The following MYO9A variants were observed in gnomAD, a reference collection of about 807,000 sequenced individuals.
MYO9A encodes unconventional myosin-IXa.
In MYO9A, 103 loss-of-function variants were observed where a neutral mutation model predicts 293.3. The observed-to-expected ratio is 0.35, with a 90% CI of 0.30 to 0.41. MYO9A has a LOEUF of 0.41. MYO9A is among the 10% of genes least tolerant of loss of function. MYO9A has a pLI of 1.00. For synonymous variants in MYO9A, 1,001 were observed against 1,035.7 expected (o/e 0.97, Z 0.64); for missense variants, 2,685 against 3,033.0 (o/e 0.89, Z 2.69).
chr15:71,854,502 G>A lies in MYO9A; in HGVS notation c.6221C>T (p.Thr2074Ile). Residue 2074 changes from threonine (T) to isoleucine (I), a missense_variant, in exon 35 of 42, where the codon ACT (threonine) becomes ATT (isoleucine). By Grantham distance (89) the Thr-to-Ile change is moderately conservative. This residue lies in a region of MYO9A where 238 missense variants were observed against 269.1 expected (regional missense o/e 0.88). Transcript: ENST00000356056. ...ELSRLTSEDRTVPLVVEKLIN... is the reference protein window; with the variant it reads ...ELSRLTSEDRIVPLVVEKLIN... ...GAGCTTTTCCACTACTAAAGGAACA[G>A]TTCGGTCTTCACTGGTCAAACGGGA... 1 of 1,613,632 alleles carries A rather than the reference G, an allele frequency of 6.2e-7. No homozygotes were observed. The highest frequency in any genetic ancestry group is 8.5e-7 in the Non-Finnish European group (1 of 1,179,742).
chr15:71,985,292 C>T (rs190753448), intron 11 of MYO9A, among the ~76,000 whole-genome samples: 8 of 152,280 alleles, frequency 5.3e-5, no homozygotes, highest in African/African-American at 1.7e-4. Flanking sequence ...GTCTCTCTCT[C>T]TCTCTGTTTT....
At chr15:71,997,279 G>A (rs1328429208) in intron 9 of MYO9A, among the ~76,000 whole-genome samples, 1 of 151,886 alleles carries the variant, frequency 6.6e-6, no homozygotes, top group Non-Finnish European at 1.5e-5. Flanking sequence ...ACATTTCTCG[G>A]CACAAAAATA....
chr15:71,835,023 A>G (rs2625531), intron 39 of MYO9A, among the ~76,000 whole-genome samples: 2,456 of 152,246 alleles, frequency 0.016, 73 homozygotes, highest in African/African-American at 0.054. Context: ...ACTCAGTGTA[A>G]TGTGTCATAT....
At chr15:71,930,269 G>A (rs2058438993) in intron 18 of MYO9A, among the ~76,000 whole-genome samples, 1 of 152,078 alleles carries the variant, frequency 6.6e-6, no homozygotes, top group African/African-American at 2.4e-5. Context: ...TTTTGGTGTG[G>A]ATGGTCTGTT....
intron 1 of MYO9A, among the ~76,000 whole-genome samples, chr15:72,057,123 T>A (rs1207257119): frequency 1.4e-5 from 2 of 145,982 alleles, no homozygotes; most frequent in East Asian, 4.0e-4. Context: ...AAAAAAAAAA[T>A]TAGCCAGGTG....
intron 19 of MYO9A, among the ~76,000 whole-genome samples, chr15:71,913,256 GC>G (rs2057913257): frequency 6.6e-6 from 1 of 151,866 alleles, no homozygotes; most frequent in Non-Finnish European, 1.5e-5. Flanking sequence ...ATCCAATTTA[GC>G]TTGTTTTTTA....
At chr15:71,940,041 G>A (rs1289854779) in intron 15 of MYO9A, among the ~76,000 whole-genome samples, 6 of 152,200 alleles carry the variant, frequency 3.9e-5, no homozygotes, top group Admixed American at 2.0e-4. Flanking sequence ...GACAAGCTGG[G>A]CAACTTAGAC....
intron 14 of MYO9A, among the ~76,000 whole-genome samples, chr15:71,956,320 A>ATAT (rs1567314762): frequency 5.7e-4 from 10 of 17,480 alleles, no homozygotes; most frequent in African/African-American, 1.1e-3. Flanking sequence ...TAAAAAAAAA[A>ATAT]AAAAAAAAAA....
intron 10 of MYO9A, 110 bp downstream of exon 10, chr15:71,994,359 A>T: frequency 1.7e-6 from 1 of 601,156 alleles, no homozygotes. Context: ...AATAAAAGCG[A>T]TTTCTTACTT....
intron 15 of MYO9A, among the ~76,000 whole-genome samples, chr15:71,940,228 C>T (rs556855960): frequency 8.3e-4 from 127 of 152,306 alleles, no homozygotes; most frequent in Non-Finnish European, 1.5e-3. Flanking sequence ...GGCACAGTGG[C>T]CCATGCTGGT....
At position 71,830,973 on chromosome 15, in the gene MYO9A, CTTTTTTTTTTT is replaced by C. The variant is rs67440366; in HGVS notation, c.6838-673_6838-663del. Among the ~76,000 whole-genome samples the C allele has an allele frequency of 7.8e-5, 8 of 103,080 alleles. No homozygotes were observed. In the East Asian group the frequency reaches 1.2e-3, roughly 15 times the overall value. The allele number at this position is 103,080 out of a possible 152,430, so 67.6% of individuals were successfully genotyped here. A position where few individuals can be genotyped will look rare whatever the true frequency, so the allele number is the denominator to read the frequency against. The stretch of plus-strand genomic sequence containing the variant: ...GTGAAAATCTCATTGCTGCTTCTTC[CTTTTTTTTTTT>C]TTTTTTTTTTTTTTAAACATTGGTT... On this transcript the variant is annotated intron_variant, in intron 39 of 41. Transcript: ENST00000356056.
intron 6 of MYO9A, among the ~76,000 whole-genome samples, chr15:72,016,228 T>C (rs775574710): frequency 2.0e-5 from 3 of 152,074 alleles, no homozygotes; most frequent in South Asian, 2.1e-4. Flanking sequence ...TACTTATATA[T>C]ACATTTACGG....
intron 39 of MYO9A, among the ~76,000 whole-genome samples, chr15:71,843,691 G>C (rs73432498): frequency 6.6e-6 from 1 of 151,966 alleles, no homozygotes; most frequent in African/African-American, 2.4e-5. Flanking sequence ...GGGTTTCACC[G>C]CATTGCCTAG....
intron 39 of MYO9A, among the ~76,000 whole-genome samples, chr15:71,839,324 G>A (rs540756367): frequency 6.6e-6 from 1 of 152,316 alleles, no homozygotes; most frequent in South Asian, 2.1e-4. Flanking sequence ...GCAGGGCAGT[G>A]AGAACCTCTG....
chr15:71,955,276 C>T (rs1006219087), intron 14 of MYO9A, among the ~76,000 whole-genome samples: 5 of 152,020 alleles, frequency 3.3e-5, no homozygotes, highest in Admixed American at 3.3e-4. Context: ...TACAGGCATG[C>T]GCCACCAAGC....
At chr15:72,017,522 A>G (rs2957739) in intron 6 of MYO9A, among the ~76,000 whole-genome samples, 131 of 152,280 alleles carry the variant, frequency 8.6e-4, no homozygotes, top group Non-Finnish European at 1.3e-3. Context: ...AACAACTTAA[A>G]TTTTTTGTTA....
At position 71,893,031 on chromosome 15, in the gene MYO9A, T is replaced by C. The variant is rs745673968; in HGVS notation, c.5142+648A>G. On this transcript the variant is annotated intron_variant, in intron 26 of 41. Transcript: ENST00000356056. ...CAGGCCCTAGCTCACAGTGAGAAGC[T>C]TGGTCAAGGGAGAGAAGGGGCTCAA... 28 of 1,289,732 alleles carry C rather than the reference T, an allele frequency of 2.2e-5. No homozygotes were observed. The South Asian group carries it at 2.3e-4, about 11-fold the overall frequency. 79.9% of individuals were successfully genotyped at this position (1,289,732 alleles called of 1,614,324 possible).
chr15:71,951,740 A>C, intron 15 of MYO9A, 37 bp downstream of exon 15: 1 of 1,612,624 alleles, frequency 6.2e-7, no homozygotes, highest in Middle Eastern at 1.7e-4. Flanking sequence ...TTCCAAATGG[A>C]TATGTGATAA....
At position 72,002,826 on chromosome 15, in the gene MYO9A, CTGTAAGGGT is replaced by C. The variant is rs2076906671; in HGVS notation, c.1381-2895_1381-2887del. Among the ~76,000 whole-genome samples, 8 of 152,172 alleles carry C rather than the reference CTGTAAGGGT, an allele frequency of 5.3e-5. No homozygotes were observed. The South Asian group carries it at 1.7e-3, about 32-fold the overall frequency. ...ACAATATTTTATTACTTGAGTGGGGCTGTAAGGGTTGATTATATTGTTTTCTATATAATA... is the reference window on the plus strand; with the variant it reads ...ACAATATTTTATTACTTGAGTGGGGCTGATTATATTGTTTTCTATATAATA... On this transcript the variant is annotated intron_variant, in intron 8 of 41. Transcript: ENST00000356056.
Sources: allele counts gnomAD v4.1 joint callset (sites outside exome capture counted in the v4.1 genomes callset), GRCh38; gene constraint gnomAD v4.1.1; regional missense constraint gnomAD v4.1.1; transcripts MANE v1.5; gene names NCBI Gene and HGNC (gene_info 2026-07-23, HGNC 2026-07-21).